CMTR1: variants seen among roughly 807,000 people sequenced by gnomAD.
CMTR1 encodes the protein cap methyltransferase 1.
Under a neutral mutation model 107.0 loss-of-function variants are expected in CMTR1, and 39 were observed. That is an observed-to-expected ratio of 0.36 (90% CI 0.28 to 0.48). The LOEUF is 0.48. Among genes scored for constraint, CMTR1 ranks in the 20% least tolerant of loss-of-function variants. The pLI is 0.99. For synonymous variants in CMTR1, 366 were observed against 379.5 expected, an observed-to-expected ratio of 0.96 and a Z score of 0.41; for missense variants, 672 against 1,064.9, an observed-to-expected ratio of 0.63 and a Z score of 5.14.
At chr6:37,443,240 C>A (rs541719793) in intron 2 of CMTR1, among the ~76,000 whole-genome samples, 1 of 152,000 alleles carries the variant, frequency 6.6e-6, no homozygotes, top group Non-Finnish European at 1.5e-5. Flanking sequence ...ATAATGGAAT[C>A]GTTGAAAATG....
Position 37,450,322 on chromosome 6 carries a change from C to T in CMTR1, c.516C>T (p.Ser172=), listed in dbSNP as rs377156702. Residue 172 remains serine (S), a synonymous_variant, in exon 5 of 24, where the codon AGC becomes AGT. Coordinates refer to ENST00000373451, the MANE Select transcript of CMTR1 (RefSeq NM_015050.3). ...TTEIPDTQEM[S]DWMVVGKRKM... ...AAATTCCTGACACTCAGGAAATGAG[C>T]GATTGGATGGTGGTGGGAAAGGTAG... is the stretch of plus-strand genomic sequence containing the variant. 350 of 1,613,620 alleles carry T rather than the reference C, an allele frequency of 2.2e-4. No homozygotes were observed. The highest frequency in any genetic ancestry group is 2.7e-4 in the Non-Finnish European group (319 of 1,179,736).
At chr6:37,434,420 T>A (rs964049705) in intron 1 of CMTR1, among the ~76,000 whole-genome samples, 2 of 152,210 alleles carry the variant, frequency 1.3e-5, no homozygotes, top group African/African-American at 4.8e-5. Flanking sequence ...TATTGAGTCC[T>A]CTTTTCTGAG....
Position 37,459,615 on chromosome 6 carries a change from C to T in CMTR1, c.1026C>T (p.Ile342=), listed in dbSNP as rs772267740. Residue 342 remains isoleucine, a synonymous_variant, in exon 10 of 24, where the codon ATC becomes ATT. Transcript: ENST00000373451. ...GAGATATCACCCGCCCAGAGAACAT[C>T]TCTGCTTTTCGGAATTTTGTCCTGG... ...GDGDITRPEN[I]SAFRNFVLDN... is the part of the protein sequence containing the mutation. 1.9e-6 allele frequency: 3 copies of T among 1,614,206 alleles called. No individual in the cohort carries two copies. In the Admixed American group the frequency reaches 5.0e-5, roughly 27 times the overall value.
rs757985081 is a variant in CMTR1 at position 37,444,070 on chromosome 6, G to A, written c.205G>A (p.Asp69Asn). The change falls in exon 3 of 24, where the codon GAT (aspartate) becomes AAT (asparagine). Residue 69 changes from aspartate to asparagine, a missense_variant. This residue lies in a region of CMTR1 where 89 missense variants were observed against 96.6 expected (regional missense o/e 0.92). Coordinates refer to ENST00000373451, the MANE Select transcript of CMTR1 (RefSeq NM_015050.3). ...ACAACACAGCTCTGACTCTTTTGAC[G>A]ATGCATTCAAAGCAGACTCTCTTGT... The part of the protein sequence containing the change: ...GKQHSSDSFD[D>N]AFKADSLVEG... The A allele has an allele frequency of 2.2e-5, 35 of 1,614,030 alleles. No homozygotes were observed. The South Asian group carries it at 3.0e-4, about 14-fold the overall frequency.
In CMTR1 at chr6:37,481,378, T is replaced by C; in HGVS notation, c.*1233T>C. The C allele has an allele frequency of 8.4e-7, 1 of 1,187,564 alleles. No homozygotes were observed. 73.6% of individuals were successfully genotyped at this position (1,187,564 alleles called of 1,614,324 possible). ...GGAATCGACTTCACCATGGGGGTCC[T>C]TCAGCCAGCATCCAGCTCCCCACCC... On this transcript the variant is annotated 3_prime_UTR_variant, in exon 24 of 24. Coordinates refer to ENST00000373451, the MANE Select transcript of CMTR1 (RefSeq NM_015050.3).
Position 37,458,543 on chromosome 6 carries a change from T to C in CMTR1, c.778-69T>C. ...AAAGGCTTATTTTACTCTCCCTGCA[T>C]TCTCCTTCCTGTTGCCCATTGAGCT... On this transcript the variant is annotated intron_variant, in intron 8 of 23. Transcript: ENST00000373451. The surrounding 1 kb of genome is among the most constrained non-coding windows in gnomAD (Gnocchi z 4.7). 2 of 1,488,726 alleles carry C rather than the reference T, an allele frequency of 1.3e-6. No homozygotes were observed. The highest frequency in any genetic ancestry group is 1.8e-6 in the Non-Finnish European group (2 of 1,081,612). 92.2% of individuals were successfully genotyped at this position (1,488,726 alleles called of 1,614,324 possible).
At chr6:37,431,047 C>G (rs1021419864), upstream of CMTR1, among the ~76,000 whole-genome samples, 1 of 147,120 alleles carries the variant, frequency 6.8e-6, no homozygotes, top group African/African-American at 2.5e-5. Context: ...ATTCAAAGTT[C>G]GTGTTTCCCT....
At chr6:37,452,008 C>G (rs1761183081) in intron 6 of CMTR1, 131 bp downstream of exon 6, 1 of 678,582 alleles carries the variant, frequency 1.5e-6, no homozygotes, top group Non-Finnish European at 2.6e-6. Flanking sequence ...AGATGCATAG[C>G]TTGGTTCATA....
rs2113892217 is a variant in CMTR1, at chr6:37,472,850, A to T, written c.1689+363A>T. ...AGGCAAGGGAGCTGGGCACAGGGTG[A>T]AGGGAGCTGCCAGGGAAGCCCGCAG... On this transcript the variant is annotated intron_variant, in intron 16 of 23. Coordinates refer to ENST00000373451, the MANE Select transcript of CMTR1 (RefSeq NM_015050.3). This position sits in a 1 kb window ranked among gnomAD's most constrained non-coding sequence, Gnocchi z 4.1. Among the ~76,000 whole-genome samples, 1 of 152,264 alleles carries T rather than the reference A, an allele frequency of 6.6e-6. No homozygotes were observed. Among genetic ancestry groups the T allele is most frequent in the South Asian group, 2.1e-4 (1 of 4,824 alleles).
rs937144314 is a variant in CMTR1, at chr6:37,458,935, C to T, written c.976+125C>T. The T allele has an allele frequency of 4.8e-6, 4 of 827,678 alleles. No individual in the cohort carries two copies. In the African/African-American group the frequency reaches 6.9e-5, roughly 14 times the overall value. The allele number at this position is 827,678 out of a possible 1,614,324, so 51.3% of individuals were successfully genotyped here. ...CCTAGGTCTCTTACCCTGGGCTTCA[C>T]AGTTCATGTCAGAATCTTGGTTCCC... On this transcript the variant is annotated intron_variant, in intron 9 of 23. Transcript: ENST00000373451. This position sits in a 1 kb window ranked among gnomAD's most constrained non-coding sequence, Gnocchi z 4.7.
intron 2 of CMTR1, among the ~76,000 whole-genome samples, chr6:37,441,310 C>T (rs1288244581): frequency 6.6e-6 from 1 of 152,172 alleles, no homozygotes; most frequent in Non-Finnish European, 1.5e-5. Flanking sequence ...GGCCTTTCCC[C>T]TCAGATTTGC....
In CMTR1 at chr6:37,475,408, C is replaced by G. The variant is rs1243091322; in HGVS notation, c.2032C>G (p.Gln678Glu). The G allele has an allele frequency of 6.2e-7, 1 of 1,613,572 alleles. No homozygotes were observed. The change falls in exon 19 of 24, where the codon CAG (glutamine) becomes GAG (glutamate). Residue 678 changes from glutamine to glutamate, a missense_variant. Physicochemically the swap from Gln to Glu is conservative, Grantham distance 29. Transcript: ENST00000373451. ...GTDVREQHFN[Q>E]RIQLAEKFVK... Reference sequence around the variant, plus strand: ...CGACGTTCGGGAGCAGCACTTTAACCAGCGGTCTGACCTGGGCCCCAGGGT... The same window carrying G: ...CGACGTTCGGGAGCAGCACTTTAACGAGCGGTCTGACCTGGGCCCCAGGGT...
chr6:37,435,650 A>T lies in CMTR1; in HGVS notation c.21A>T (p.Pro7=), dbSNP rs897733549. 1 of 1,601,550 alleles carries T rather than the reference A, an allele frequency of 6.2e-7. No homozygotes were observed. The highest frequency in any genetic ancestry group is 8.5e-7 in the Non-Finnish European group (1 of 1,175,134). The change falls in exon 2 of 24, where the codon CCA becomes CCT. Residue 7 remains proline (P), a synonymous_variant. Transcript: ENST00000373451. The part of the protein sequence containing the change: MKRRTD[P]ECTAPIKKQK... ...TAACGATGAAGAGGAGAACTGACCC[A>T]GAATGCACTGCCCCCATCAAGAAAC...
chr6:37,441,606 G>T (rs1345434063), intron 2 of CMTR1, among the ~76,000 whole-genome samples: 2 of 151,922 alleles, frequency 1.3e-5, no homozygotes, highest in African/African-American at 4.8e-5. Context: ...TAGAGACAGG[G>T]TTTCTCCATT....
In CMTR1 at chr6:37,481,223, G is replaced by C. The variant is rs1159709450; in HGVS notation, c.*1078G>C. The C allele has an allele frequency of 7.7e-7, 1 of 1,296,812 alleles. No individual in the cohort carries two copies. The highest frequency in any genetic ancestry group is 5.6e-5 in the East Asian group (1 of 17,914). 80.3% of individuals were successfully genotyped at this position (1,296,812 alleles called of 1,614,324 possible). A position where few individuals can be genotyped will look rare whatever the true frequency, so the allele number is the denominator to read the frequency against. The stretch of plus-strand genomic sequence containing the variant: ...GGGGAGCTGGGCAGTAGCTTGGGGT[G>C]GGGGTGGGCACCTGTGGTTGTTTTT... On this transcript the variant is annotated 3_prime_UTR_variant, in exon 24 of 24. Transcript: ENST00000373451.
At chr6:37,475,959 G>C in intron 19 of CMTR1, 167 bp from the exon 20 acceptor site, 1 of 638,736 alleles carries the variant, frequency 1.6e-6, no homozygotes, top group Non-Finnish European at 2.8e-6. Flanking sequence ...GACGTCGGTG[G>C]AGAAGGGCAG....
At chr6:37,429,157 T>A (rs1771332349), upstream of CMTR1, among the ~76,000 whole-genome samples, 1 of 152,184 alleles carries the variant, frequency 6.6e-6, no homozygotes, top group Non-Finnish European at 1.5e-5. Flanking sequence ...GTTTAGTGGC[T>A]TCCTCCACCC....
intron 2 of CMTR1, among the ~76,000 whole-genome samples, chr6:37,437,444 G>A (rs372246491): frequency 1.2e-4 from 18 of 148,470 alleles, no homozygotes; most frequent in African/African-American, 3.8e-4. Flanking sequence ...GGAGAATGGC[G>A]TGAACCCGGG....
At chr6:37,451,736 A>G (rs1761175993) in intron 5 of CMTR1, 70 bp from the exon 6 acceptor site, 4 of 1,170,950 alleles carry the variant, frequency 3.4e-6, no homozygotes, top group East Asian at 2.4e-5. Context: ...TTGGAACCCT[A>G]ATTTCTTCAT....
Sources: gnomAD v4.1 joint callset for allele counts (sites outside exome capture counted in the v4.1 genomes callset) on GRCh38, gnomAD v4.1.1 for gene constraint, gnomAD v4.1.1 regional missense constraint, Gnocchi (gnomAD v3.1) non-coding constraint, MANE v1.5 for transcripts, NCBI Gene and HGNC (gene_info 2026-07-23, HGNC 2026-07-21) for gene names.